EPB41L1: variants seen among roughly 807,000 people sequenced by gnomAD.
EPB41L1 encodes erythrocyte membrane protein band 4.1 like 1.
In EPB41L1, 29 loss-of-function variants were observed where a neutral mutation model predicts 97.8. The observed-to-expected ratio is 0.30, with a 90% CI of 0.22 to 0.40. The LOEUF is 0.40. Among genes scored for constraint, EPB41L1 ranks in the 10% least tolerant of loss-of-function variants. The probability of loss-of-function intolerance (pLI) is 1.00; values close to 1 mark genes in which losing one functional copy is unlikely to be tolerated. For missense variants in EPB41L1, 812 were observed against 1,162.3 expected, an observed-to-expected ratio of 0.70 and a Z score of 4.38; for synonymous variants, 383 against 459.2, an observed-to-expected ratio of 0.83 and a Z score of 2.12.
At chr20:36,113,254 T>C (rs1488870539) in intron 2 of EPB41L1, among the ~76,000 whole-genome samples, 1 of 152,164 alleles carries the variant, frequency 6.6e-6, no homozygotes, top group Admixed American at 6.6e-5. Context: ...GGAGTTACAT[T>C]GATTGGGAAA....
Position 36,207,104 on chromosome 20 carries a change from A to G in EPB41L1, c.1669-2384A>G. ...ATTCCCCTGCCAGCCTCCCCTGGTC[A>G]TTCTGAGGACCTGGCAGCTCTGGAG... On this transcript the variant is annotated intron_variant, in intron 14 of 21. Transcript: ENST00000338074. The surrounding 1 kb of genome is among the most constrained non-coding windows in gnomAD (Gnocchi z 4.9). 2 of 1,289,348 alleles carry G rather than the reference A, an allele frequency of 1.6e-6. No individual in the cohort carries two copies. Among genetic ancestry groups the G allele is most frequent in the Non-Finnish European group, 2.0e-6 (2 of 988,492 alleles). 79.9% of individuals were successfully genotyped at this position (1,289,348 alleles called of 1,614,324 possible).
At chr20:36,178,124 A>G (rs1210585270) in intron 4 of EPB41L1, 68 bp downstream of exon 4, 10 of 1,149,428 alleles carry the variant, frequency 8.7e-6, no homozygotes, top group Non-Finnish European at 1.3e-5. Context: ...GGCCACCCCC[A>G]ACAGCATCCA....
intron 2 of EPB41L1, among the ~76,000 whole-genome samples, chr20:36,132,575 G>C (rs1236849301): frequency 5.3e-5 from 7 of 131,626 alleles, no homozygotes; most frequent in South Asian, 3.1e-4. Flanking sequence ...GGCGGGGGGG[G>C]GGGGCGCATT....
intron 1 of EPB41L1, among the ~76,000 whole-genome samples, chr20:36,173,407 A>G (rs1024337947): frequency 6.6e-6 from 1 of 152,166 alleles, no homozygotes; most frequent in Non-Finnish European, 1.5e-5. Context: ...GTGGCTGGAG[A>G]GACAGCCTGG....
Position 36,194,422 on chromosome 20 carries a change from G to T in EPB41L1, c.1449+62G>T, listed in dbSNP as rs549121215. 1.1e-5 allele frequency: 17 copies of T among 1,554,106 alleles called. No homozygotes were observed. The South Asian group carries it at 2.0e-4, about 18-fold the overall frequency. On this transcript the variant is annotated intron_variant, in intron 12 of 21. Coordinates refer to ENST00000338074, the MANE Select transcript of EPB41L1 (RefSeq NM_012156.2). ...GATCAGGAGGCTGACCTGAGGTCTA[G>T]CCTCGGCCTTGACCTTCACATGCCT... is the stretch of plus-strand genomic sequence containing the variant.
At chr20:36,128,612 C>G (rs538966789) in intron 2 of EPB41L1, among the ~76,000 whole-genome samples, 1 of 152,322 alleles carries the variant, frequency 6.6e-6, no homozygotes, top group Non-Finnish European at 1.5e-5. Context: ...ACACTCATTA[C>G]CACAGGCTGC....
rs1300767235 is a variant in EPB41L1, at chr20:36,207,163, G to C, written c.1669-2325G>C. ...TCCAAGCCCAACCTCCCATGGGTCA[G>C]GGGAGCCTTCGGAGCTCAGGGAGCC... On this transcript the variant is annotated intron_variant, in intron 14 of 21. Transcript: ENST00000338074. The surrounding 1 kb of genome is among the most constrained non-coding windows in gnomAD (Gnocchi z 4.9). 1 of 1,289,172 alleles carries C rather than the reference G, an allele frequency of 7.8e-7. No individual in the cohort carries two copies. Among genetic ancestry groups the C allele is most frequent in the Non-Finnish European group, 1.0e-6 (1 of 988,352 alleles). 79.9% of individuals were successfully genotyped at this position (1,289,172 alleles called of 1,614,324 possible).
At chr20:36,188,581 AAC>A (rs55990020) in intron 9 of EPB41L1, 82 bp downstream of exon 9, 7,442 of 466,306 alleles carry the variant, frequency 0.016, 316 homozygotes, top group African/African-American at 0.03. Context: ...CTGGACTGCC[AAC>A]ACACACACAC....
intron 2 of EPB41L1, among the ~76,000 whole-genome samples, chr20:36,116,761 A>T (rs1388344643): frequency 1.3e-5 from 2 of 151,368 alleles, no homozygotes. Context: ...AGCTAATCTC[A>T]TCCATTTGTC....
At chr20:36,129,346 C>T (rs1221668967) in intron 2 of EPB41L1, among the ~76,000 whole-genome samples, 1 of 151,970 alleles carries the variant, frequency 6.6e-6, no homozygotes, top group African/African-American at 2.4e-5. Flanking sequence ...TGGTAAGTTA[C>T]CGCTTCTCCT....
At chr20:36,176,062 T>C (rs776510653) in intron 3 of EPB41L1, among the ~76,000 whole-genome samples, 2 of 152,154 alleles carry the variant, frequency 1.3e-5, no homozygotes, top group Non-Finnish European at 2.9e-5. Context: ...AGACTGACAT[T>C]TAAATTAGAA....
In EPB41L1 at chr20:36,206,614, G is replaced by C. The variant is rs1220507571; in HGVS notation, c.1669-2874G>C. Reference sequence around the variant, plus strand: ...CTTAGACCTGAGGGTTTCTGCTGCTGCTTCCAGCAGGAGCAAGGACGAAGC... The same window carrying C: ...CTTAGACCTGAGGGTTTCTGCTGCTCCTTCCAGCAGGAGCAAGGACGAAGC... On this transcript the variant is annotated intron_variant, in intron 14 of 21. Coordinates refer to ENST00000338074, the MANE Select transcript of EPB41L1 (RefSeq NM_012156.2). The surrounding 1 kb of genome is among the most constrained non-coding windows in gnomAD (Gnocchi z 5.5). 3.1e-6 allele frequency: 4 copies of C among 1,289,732 alleles called. No homozygotes were observed. In the Admixed American group the frequency reaches 9.2e-5, roughly 30 times the overall value. The allele number at this position is 1,289,732 out of a possible 1,614,324, so 79.9% of individuals were successfully genotyped here.
rs775241359 is a variant in EPB41L1 at position 36,190,272 on chromosome 20, T to C, written c.1027-5T>C. Reference sequence around the variant, plus strand: ...TGCCTCTAACCTGCCCTTTTGGTTTTCCAGTATGAGCAATTTGAGAGCACA... The same window carrying C: ...TGCCTCTAACCTGCCCTTTTGGTTTCCCAGTATGAGCAATTTGAGAGCACA... On this transcript the variant is annotated splice_polypyrimidine_tract_variant and splice_region_variant and intron_variant, in intron 9 of 21. Transcript: ENST00000338074. This position sits in a 1 kb window ranked among gnomAD's most constrained non-coding sequence, Gnocchi z 5.8. 1.2e-6 allele frequency: 2 copies of C among 1,613,874 alleles called. No homozygotes were observed. Among genetic ancestry groups the C allele is most frequent in the Non-Finnish European group, 1.7e-6 (2 of 1,179,940 alleles).
chr20:36,163,485 C>T (rs1600685033), intron 1 of EPB41L1, among the ~76,000 whole-genome samples: 1 of 152,160 alleles, frequency 6.6e-6, no homozygotes, highest in South Asian at 2.1e-4. Flanking sequence ...GACTTCTTAG[C>T]TTATTCTGCC....
Position 36,212,439 on chromosome 20 carries a change from ACTG to A in EPB41L1, c.2184+67_2184+69del. ...TTGGGCATTTGGTGGTAGGGTCCCCACTGCTGTGGCCAAACCCCTTGGCCAGCT... is the reference window on the plus strand; with the variant it reads ...TTGGGCATTTGGTGGTAGGGTCCCCACTGTGGCCAAACCCCTTGGCCAGCT... On this transcript the variant is annotated intron_variant, in intron 16 of 21. Transcript: ENST00000338074. This position sits in a 1 kb window ranked among gnomAD's most constrained non-coding sequence, Gnocchi z 4.8. 3 of 1,440,396 alleles carry A rather than the reference ACTG, an allele frequency of 2.1e-6. No homozygotes were observed. The highest frequency in any genetic ancestry group is 1.9e-6 in the Non-Finnish European group (2 of 1,025,754). The allele number at this position is 1,440,396 out of a possible 1,614,324, so 89.2% of individuals were successfully genotyped here.
At chr20:36,228,435 G>A (rs751610401) in intron 21 of EPB41L1, among the ~76,000 whole-genome samples, 4 of 152,158 alleles carry the variant, frequency 2.6e-5, no homozygotes, top group Non-Finnish European at 5.9e-5. Flanking sequence ...GCACTGTGGC[G>A]TGCACCTGTA....
At position 36,207,568 on chromosome 20, in the gene EPB41L1, C is replaced by T. The variant is rs940106959; in HGVS notation, c.1669-1920C>T. The T allele has an allele frequency of 2.2e-5, 28 of 1,289,810 alleles. No homozygotes were observed. The East Asian group carries it at 2.8e-4, about 13-fold the overall frequency. The allele number at this position is 1,289,810 out of a possible 1,614,324, so 79.9% of individuals were successfully genotyped here. A position where few individuals can be genotyped will look rare whatever the true frequency, so the allele number is the denominator to read the frequency against. ...ACCCGTGGGACAAGCAGAGCAGCAG[C>T]GGAGTACGCTCTCAGACCTGGGCTT... On this transcript the variant is annotated intron_variant, in intron 14 of 21. Transcript: ENST00000338074. The surrounding 1 kb of genome is among the most constrained non-coding windows in gnomAD (Gnocchi z 4.9).
At chr20:36,126,101 T>C (rs1300982101) in intron 2 of EPB41L1, among the ~76,000 whole-genome samples, 1 of 152,130 alleles carries the variant, frequency 6.6e-6, no homozygotes, top group Non-Finnish European at 1.5e-5. Flanking sequence ...GGGAATTCAG[T>C]AGCTCCCTGA....
chr20:36,185,472 T>C, intron 7 of EPB41L1, 137 bp downstream of exon 7: 1 of 801,532 alleles, frequency 1.2e-6, no homozygotes, highest in Admixed American at 2.0e-5. Flanking sequence ...GAGGTATATC[T>C]AAGAGCAAAT....
Sources: gnomAD v4.1 joint callset for allele counts (sites outside exome capture counted in the v4.1 genomes callset) on GRCh38, gnomAD v4.1.1 for gene constraint, Gnocchi (gnomAD v3.1) non-coding constraint, MANE v1.5 for transcripts, NCBI Gene and HGNC (gene_info 2026-07-23, HGNC 2026-07-21) for gene names.